Variants in DLD observed in about 807,000 individuals in gnomAD.
DLD encodes dihydrolipoamide dehydrogenase, also known as dihydrolipoyl dehydrogenase, mitochondrial.
A neutral mutation model predicts 62.2 loss-of-function variants in DLD; 36 were observed. The observed-to-expected ratio is 0.58, with a 90% CI of 0.44 to 0.76. The LOEUF is 0.76. Among genes scored for constraint, DLD ranks in the 30% least tolerant of loss-of-function variants. The pLI, the probability that DLD is intolerant of heterozygous loss-of-function variation, is 0.00. For missense variants in DLD, 541 were observed against 608.6 expected, an observed-to-expected ratio of 0.89 and a Z score of 1.17; for synonymous variants, 204 against 199.6, an observed-to-expected ratio of 1.02 and a Z score of -0.19.
chr7:107,919,229 T>C lies in DLD; in HGVS notation c.1500T>C (p.Ala500=), dbSNP rs773097788. The C allele has an allele frequency of 5.0e-6, 8 of 1,612,836 alleles. No individual in the cohort carries two copies. The East Asian group carries it at 6.7e-5, about 13-fold the overall frequency. The part of the protein sequence containing the change: ...LSEAFREANL[A]ASFGKSINF ...AAGCTTTTAGAGAAGCAAATCTTGC[T>C]GCGTCATTTGGCAAATCAATCAACT... The change falls in exon 14 of 14, where the codon GCT becomes GCC. Residue 500 remains alanine (A), a synonymous_variant. Coordinates refer to ENST00000205402, the MANE Select transcript of DLD (RefSeq NM_000108.5).
In DLD at chr7:107,919,959, A is replaced by C. The variant is rs971585711; in HGVS notation, c.*700A>C. On this transcript the variant is annotated 3_prime_UTR_variant, in exon 14 of 14. Transcript: ENST00000205402. ...GAAGATACTGAAATAAACGTCTTAAATATTCATTTACTGGTTATCATGAGT... is the reference window on the plus strand; with the variant it reads ...GAAGATACTGAAATAAACGTCTTAACTATTCATTTACTGGTTATCATGAGT... The C allele has an allele frequency of 6.6e-6, 1 of 152,454 alleles. No individual in the cohort carries two copies. Among genetic ancestry groups the C allele is most frequent in the Non-Finnish European group, 1.5e-5 (1 of 68,106 alleles). The allele number at this position is 152,454 out of a possible 1,614,324, so 9.4% of individuals were successfully genotyped here.
rs2031897558 is a variant in DLD, at chr7:107,902,373, G to A, written c.247G>A (p.Val83Ile). 1 of 1,613,802 alleles carries A rather than the reference G, an allele frequency of 6.2e-7. No homozygotes were observed. The highest frequency in any genetic ancestry group is 1.1e-5 in the South Asian group (1 of 91,078). The change falls in exon 4 of 14, where the codon GTT becomes ATT. Residue 83 changes from valine (V) to isoleucine (I), a missense_variant. Coordinates refer to ENST00000205402, the MANE Select transcript of DLD (RefSeq NM_000108.5). ...NETLGGTCLN[V>I]GCIPSKALLN... Reference sequence around the variant, plus strand: ...AACACTTGGTGGAACATGCTTGAATGTTGGTTGTATTCCTTCTAAGGTGAG... The same window carrying A: ...AACACTTGGTGGAACATGCTTGAATATTGGTTGTATTCCTTCTAAGGTGAG...
intron 2 of DLD, among the ~76,000 whole-genome samples, chr7:107,901,015 A>G (rs2031862286): frequency 6.6e-6 from 1 of 152,104 alleles, no homozygotes; most frequent in Admixed American, 6.5e-5. Flanking sequence ...TTAATTTTCA[A>G]TTTTTTATCT....
intron 4 of DLD, among the ~76,000 whole-genome samples, chr7:107,902,916 T>A (rs1419439932): frequency 6.6e-6 from 1 of 152,244 alleles, no homozygotes; most frequent in East Asian, 1.9e-4. Flanking sequence ...CTATTCCATG[T>A]AGAGAATGCC....
At chr7:107,913,520 T>C (rs1277994525) in intron 8 of DLD, among the ~76,000 whole-genome samples, 2 of 152,036 alleles carry the variant, frequency 1.3e-5, no homozygotes, top group East Asian at 3.8e-4. Context: ...TTTTTTTTTT[T>C]CTTTTTTAGA....
chr7:107,900,347 T>C (rs2031847924), intron 2 of DLD, among the ~76,000 whole-genome samples: 2 of 152,148 alleles, frequency 1.3e-5, no homozygotes, highest in Admixed American at 1.3e-4. Flanking sequence ...AATAGTCTTC[T>C]TTGTAGGTCA....
chr7:107,906,596 C>G (rs754586956), intron 8 of DLD, among the ~76,000 whole-genome samples: 1 of 152,060 alleles, frequency 6.6e-6, no homozygotes, highest in Non-Finnish European at 1.5e-5. Flanking sequence ...TACCTTCCAC[C>G]CTTCCATTTC....
intron 2 of DLD, among the ~76,000 whole-genome samples, chr7:107,894,865 T>TTTTTACACAC (rs2031678888): frequency 6.6e-6 from 1 of 152,228 alleles, no homozygotes; most frequent in Non-Finnish European, 1.5e-5. Context: ...CACACATACT[T>TTTTTACACAC]GTATTTTATC....
intron 8 of DLD, 101 bp downstream of exon 8, chr7:107,906,469 T>C (rs897980788): frequency 2.6e-6 from 2 of 783,644 alleles, no homozygotes; most frequent in African/African-American, 3.4e-5. Flanking sequence ...CTGATCAGCA[T>C]TGAGTTTTGC....
Position 107,906,223 on chromosome 7 carries a change from G to A in DLD, c.583-44G>A, listed in dbSNP as rs1218597234. ...GGATATGGAGGGTCGACTGTACTAG[G>A]TTTTTTCAAATTATTTTGATTATAT... On this transcript the variant is annotated intron_variant, in intron 7 of 13. Coordinates refer to ENST00000205402, the MANE Select transcript of DLD (RefSeq NM_000108.5). 4.6e-6 allele frequency: 6 copies of A among 1,312,630 alleles called. No individual in the cohort carries two copies. The South Asian group carries it at 6.0e-5, about 13-fold the overall frequency. The allele number at this position is 1,312,630 out of a possible 1,614,324, so 81.3% of individuals were successfully genotyped here.
chr7:107,894,004 T>C (rs899836067), intron 2 of DLD, among the ~76,000 whole-genome samples: 1 of 152,240 alleles, frequency 6.6e-6, no homozygotes, highest in African/African-American at 2.4e-5. Flanking sequence ...ATGAAAGTCT[T>C]CATGGGTTTA....
chr7:107,905,139 T>C, intron 6 of DLD, 81 bp downstream of exon 6: 1 of 1,121,630 alleles, frequency 8.9e-7, no homozygotes, highest in Non-Finnish European at 1.3e-6. Context: ...TATTTGAACT[T>C]GGTTACAGGG....
chr7:107,905,090 C>A (rs2031971442), intron 6 of DLD, 32 bp downstream of exon 6: 1 of 1,446,342 alleles, frequency 6.9e-7, no homozygotes, highest in Non-Finnish European at 9.7e-7. Flanking sequence ...TTCTGCTTTA[C>A]TTTGAATACA....
chr7:107,891,567 G>A, intron 1 of DLD: 1 of 583,776 alleles, frequency 1.7e-6, no homozygotes, highest in South Asian at 2.0e-5. Flanking sequence ...CCAAGCCTGG[G>A]CCGAGGGCCA....
chr7:107,893,363 A>G, intron 2 of DLD, 85 bp downstream of exon 2: 1 of 1,016,270 alleles, frequency 9.8e-7, no homozygotes, highest in Non-Finnish European at 1.5e-6. Flanking sequence ...GAATATTGGA[A>G]TAACTTATGT....
chr7:107,892,836 C>G (rs1219077599), intron 1 of DLD, among the ~76,000 whole-genome samples: 1 of 152,212 alleles, frequency 6.6e-6, no homozygotes, highest in Admixed American at 6.5e-5. Context: ...GCGTGAGCCA[C>G]CACGGCCGGC....
At chr7:107,894,934 G>A (rs2031681582) in intron 2 of DLD, among the ~76,000 whole-genome samples, 1 of 152,222 alleles carries the variant, frequency 6.6e-6, no homozygotes, top group Non-Finnish European at 1.5e-5. Flanking sequence ...GACAGGGACT[G>A]TGTGTGACTG....
intron 12 of DLD, 132 bp downstream of exon 12, chr7:107,918,193 A>G (rs1270340221): frequency 2.1e-6 from 2 of 964,790 alleles, no homozygotes; most frequent in Non-Finnish European, 3.2e-6. Context: ...CTCTCTGTGC[A>G]TCATTTCTAG....
chr7:107,897,073 G>A (rs1173208047), intron 2 of DLD, among the ~76,000 whole-genome samples: 1 of 152,094 alleles, frequency 6.6e-6, no homozygotes. Flanking sequence ...GACCTCAGGG[G>A]ATCCACCCAC....
Sources: allele counts gnomAD v4.1 joint callset (sites outside exome capture counted in the v4.1 genomes callset), GRCh38; gene constraint gnomAD v4.1.1; transcripts MANE v1.5; gene names NCBI Gene and HGNC (gene_info 2026-07-23, HGNC 2026-07-21).